Variants in FYN observed in about 807,000 individuals in gnomAD.
The protein encoded by FYN is tyrosine-protein kinase Fyn.
A neutral mutation model predicts 70.2 loss-of-function variants in FYN; 10 were observed. The observed-to-expected ratio is 0.14, with a 90% CI of 0.09 to 0.24. The LOEUF is 0.24. Ranked by LOEUF, FYN falls within the 10% of genes least tolerant of loss-of-function variation. The probability of loss-of-function intolerance (pLI) is 1.00; values close to 1 mark genes in which losing one functional copy is unlikely to be tolerated. For synonymous variants in FYN, 236 were observed against 248.6 expected, an observed-to-expected ratio of 0.95 and a Z score of 0.48; for missense variants, 319 against 673.1, an observed-to-expected ratio of 0.47 and a Z score of 5.82.
intron 1 of FYN, among the ~76,000 whole-genome samples, chr6:111,859,368 T>A (rs1029547020): frequency 1.3e-5 from 2 of 152,188 alleles, no homozygotes; most frequent in African/African-American, 4.8e-5. Context: ...ACTATAAACA[T>A]ACGTGCAAAT....
At chr6:111,816,033 T>C (rs1177843427) in intron 2 of FYN, among the ~76,000 whole-genome samples, 1 of 152,210 alleles carries the variant, frequency 6.6e-6, no homozygotes, top group African/African-American at 2.4e-5. Flanking sequence ...TGAATTTCAC[T>C]TGTGGCCAGA....
chr6:111,706,616 C>T (rs1800104875), intron 6 of FYN, among the ~76,000 whole-genome samples: 1 of 152,054 alleles, frequency 6.6e-6, no homozygotes, highest in African/African-American at 2.4e-5. Context: ...CAATGGATTG[C>T]ACCAAAACAA....
intron 2 of FYN, among the ~76,000 whole-genome samples, chr6:111,811,254 GAAAC>G (rs1345934897): frequency 9.2e-5 from 14 of 152,296 alleles, no homozygotes; most frequent in African/African-American, 2.4e-4. Flanking sequence ...AGAATTACAG[GAAAC>G]AAACAGACTT....
chr6:111,669,243 T>C (rs1798147984), intron 13 of FYN, among the ~76,000 whole-genome samples: 2 of 152,050 alleles, frequency 1.3e-5, no homozygotes, highest in South Asian at 4.1e-4. Flanking sequence ...GAGACCAGCC[T>C]GGCCAACATG....
intron 12 of FYN, among the ~76,000 whole-genome samples, chr6:111,692,428 C>A (rs1375897446): frequency 6.6e-6 from 1 of 151,302 alleles, no homozygotes; most frequent in East Asian, 1.9e-4. Flanking sequence ...CCGCTCAGGG[C>A]AGCAGCCTGA....
At chr6:111,841,365 G>GT (rs761592333) in intron 2 of FYN, among the ~76,000 whole-genome samples, 11 of 152,204 alleles carry the variant, frequency 7.2e-5, no homozygotes, top group Non-Finnish European at 1.2e-4. Context: ...TGAAAGATGT[G>GT]TAAAAAAATA....
intron 1 of FYN, among the ~76,000 whole-genome samples, chr6:111,855,774 A>G (rs139408763): frequency 1.3e-4 from 20 of 152,348 alleles, no homozygotes; most frequent in African/African-American, 4.6e-4. Context: ...ATGAAGCACC[A>G]AAACAGTTCA....
At chr6:111,837,996 T>C (rs983023065) in intron 2 of FYN, among the ~76,000 whole-genome samples, 2 of 152,196 alleles carry the variant, frequency 1.3e-5, no homozygotes, top group Admixed American at 1.3e-4. Context: ...CACAACTTAA[T>C]GAACGCCCCT....
chr6:111,856,588 A>C (rs1238143506), intron 1 of FYN, among the ~76,000 whole-genome samples: 1 of 152,158 alleles, frequency 6.6e-6, no homozygotes, highest in African/African-American at 2.4e-5. Flanking sequence ...TATTTCTGAA[A>C]AGATTCTGAA....
intron 9 of FYN, 106 bp from the exon 10 acceptor site, chr6:111,696,562 C>A: frequency 1.2e-6 from 1 of 864,666 alleles, no homozygotes. Context: ...ATTTAAAACA[C>A]TTAATACAGT....
At chr6:111,821,300 A>C (rs1005800324) in intron 2 of FYN, among the ~76,000 whole-genome samples, 25 of 152,086 alleles carry the variant, frequency 1.6e-4, no homozygotes, top group Non-Finnish European at 3.2e-4. Context: ...AGACCAATGG[A>C]ACACAACAGA....
At chr6:111,674,846 C>T (rs1457448519) in intron 12 of FYN, among the ~76,000 whole-genome samples, 1 of 151,888 alleles carries the variant, frequency 6.6e-6, no homozygotes, top group Non-Finnish European at 1.5e-5. Flanking sequence ...CACCTTAGTA[C>T]CTCAATAAAG....
At chr6:111,846,766 C>T (rs988188205) in intron 1 of FYN, 137 bp from the exon 2 acceptor site, 1 of 396,424 alleles carries the variant, frequency 2.5e-6, no homozygotes, top group Non-Finnish European at 4.4e-6. Flanking sequence ...TTTTATCATT[C>T]ACACAATTGT....
chr6:111,679,751 C>T (rs1798705863), intron 12 of FYN, among the ~76,000 whole-genome samples: 2 of 152,106 alleles, frequency 1.3e-5, no homozygotes, highest in Admixed American at 1.3e-4. Context: ...CTTAAAACAC[C>T]TGGAGAACCC....
intron 3 of FYN, among the ~76,000 whole-genome samples, chr6:111,766,050 A>C (rs1275623358): frequency 6.6e-6 from 1 of 152,236 alleles, no homozygotes; most frequent in Non-Finnish European, 1.5e-5. Context: ...CTGAAACAAG[A>C]GAATGACAAG....
intron 8 of FYN, among the ~76,000 whole-genome samples, chr6:111,702,184 T>C (rs550289404): frequency 6.6e-6 from 1 of 152,274 alleles, no homozygotes; most frequent in Admixed American, 6.5e-5. Context: ...CTTGCTAATC[T>C]AGGAAAGAAA....
intron 9 of FYN, among the ~76,000 whole-genome samples, chr6:111,699,311 C>T (rs1303497518): frequency 6.6e-6 from 1 of 152,234 alleles, no homozygotes; most frequent in African/African-American, 2.4e-5. Flanking sequence ...TCCTGTTCTG[C>T]GGGTGCCTTA....
chr6:111,787,437 G>GT (rs1325528814), intron 2 of FYN, among the ~76,000 whole-genome samples: 5 of 152,106 alleles, frequency 3.3e-5, no homozygotes, highest in African/African-American at 1.2e-4. Context: ...CTCTGTTTTG[G>GT]TACCAGTACC....
chr6:111,809,417 T>C (rs1425954049), intron 2 of FYN, among the ~76,000 whole-genome samples: 1 of 152,182 alleles, frequency 6.6e-6, no homozygotes, highest in African/African-American at 2.4e-5. Flanking sequence ...TCAGCATAAG[T>C]GAAGAATAAG....
Sources: allele counts gnomAD v4.1 joint callset (sites outside exome capture counted in the v4.1 genomes callset), GRCh38; gene constraint gnomAD v4.1.1; transcripts MANE v1.5; gene names NCBI Gene and HGNC (gene_info 2026-07-23, HGNC 2026-07-21).